The following DNAH9 variants were observed in gnomAD, a reference collection of about 807,000 sequenced individuals.
DNAH9 encodes the protein dynein axonemal heavy chain 9.
Under a neutral mutation model 471.6 loss-of-function variants are expected in DNAH9, and 345 were observed. That is an observed-to-expected ratio of 0.73 (90% CI 0.67 to 0.80). The LOEUF is 0.80. DNAH9 is among the 30% of genes least tolerant of loss of function. The probability of loss-of-function intolerance (pLI) is 0.00; values close to 1 mark genes in which losing one functional copy is unlikely to be tolerated. For missense variants in DNAH9, 5,407 were observed against 5,609.2 expected, an observed-to-expected ratio of 0.96 and a Z score of 1.15; for synonymous variants, 2,093 against 2,123.6, an observed-to-expected ratio of 0.99 and a Z score of 0.40.
chr17:11,738,216 T>C (rs2075378783), intron 28 of DNAH9, among the ~76,000 whole-genome samples: 1 of 152,160 alleles, frequency 6.6e-6, no homozygotes, highest in South Asian at 2.1e-4. Context: ...AATGAGTTAA[T>C]ACATGAGAAG....
chr17:11,862,863 T>C (rs1284126650), intron 50 of DNAH9, among the ~76,000 whole-genome samples: 3 of 151,880 alleles, frequency 2.0e-5, no homozygotes, highest in African/African-American at 7.3e-5. Flanking sequence ...TTTTTGTACA[T>C]TGATTTTGTA....
rs780053051 is a variant in DNAH9 at position 11,610,417 on chromosome 17, A to C, written c.636A>C (p.Ser212=). 13 of 1,613,470 alleles carry C rather than the reference A, an allele frequency of 8.1e-6. No individual in the cohort carries two copies. The Admixed American group carries it at 2.0e-4, about 25-fold the overall frequency. ...SETVLDSIDK[S]VIYAIESAVI... is the part of the protein sequence containing the mutation. ...ACAGCTTGGATTCTATAGATAAGTC[A>C]GTCATCTATGCCATTGAGTCTGCAG... Residue 212 remains serine (S), a synonymous_variant, in exon 3 of 69, where the codon TCA becomes TCC. Coordinates refer to ENST00000262442, the MANE Select transcript of DNAH9 (RefSeq NM_001372.4).
intron 56 of DNAH9, among the ~76,000 whole-genome samples, chr17:11,885,983 C>T (rs1314492796): frequency 6.6e-6 from 1 of 152,218 alleles, no homozygotes; most frequent in Non-Finnish European, 1.5e-5. Context: ...TAACAGAAAT[C>T]TGTCTTCCTG....
intron 14 of DNAH9, among the ~76,000 whole-genome samples, chr17:11,662,068 G>C (rs1043386325): frequency 6.6e-6 from 1 of 151,970 alleles, no homozygotes; most frequent in African/African-American, 2.4e-5. Flanking sequence ...GTTTTTAAAG[G>C]ACAGTTTCAT....
intron 49 of DNAH9, among the ~76,000 whole-genome samples, chr17:11,842,128 G>T (rs943018780): frequency 1.3e-5 from 2 of 152,022 alleles, no homozygotes; most frequent in Non-Finnish European, 2.9e-5. Flanking sequence ...ATAATTTGGG[G>T]AATTCTAGGA....
chr17:11,641,572 C>T (rs976665940), intron 10 of DNAH9, among the ~76,000 whole-genome samples: 2 of 152,126 alleles, frequency 1.3e-5, no homozygotes, highest in African/African-American at 4.8e-5. Context: ...GGAAGAAATG[C>T]CTGATTCTCC....
intron 43 of DNAH9, among the ~76,000 whole-genome samples, chr17:11,802,655 A>AAAG (rs1474589321): frequency 6.6e-6 from 1 of 151,500 alleles, no homozygotes; most frequent in Non-Finnish European, 1.5e-5. Flanking sequence ...AGACAAAAAA[A>AAAG]AAAAAAAAGT....
intron 45 of DNAH9, among the ~76,000 whole-genome samples, chr17:11,816,978 G>A (rs1285676687): frequency 6.6e-6 from 1 of 151,982 alleles, no homozygotes; most frequent in African/African-American, 2.4e-5. Flanking sequence ...AGAATGGCGT[G>A]AACCCAGGAG....
chr17:11,784,884 C>G (rs1968807474), intron 41 of DNAH9, among the ~76,000 whole-genome samples: 1 of 151,654 alleles, frequency 6.6e-6, no homozygotes, highest in African/African-American at 2.4e-5. Context: ...AGAAAGAAAA[C>G]TATTTTGGAT....
intron 49 of DNAH9, among the ~76,000 whole-genome samples, chr17:11,847,954 C>G (rs188006103): frequency 6.6e-6 from 1 of 151,604 alleles, no homozygotes; most frequent in East Asian, 1.9e-4. Context: ...GTGTAGGGCT[C>G]CTTCTCCAGA....
Position 11,757,583 on chromosome 17 carries a change from C to G in DNAH9, c.6886C>G (p.Pro2296Ala). 6.2e-7 allele frequency: 1 copy of G among 1,613,702 alleles called. No individual in the cohort carries two copies. Among genetic ancestry groups the G allele is most frequent in the Admixed American group, 1.7e-5 (1 of 60,024 alleles). The change falls in exon 35 of 69, where the codon CCT (proline) becomes GCT (alanine). Residue 2296 changes from proline to alanine, a missense_variant. Transcript: ENST00000262442. ...CAACCCGGCAGACTTGGGATGGAAC[C>G]CTCCAGTGAGCAGCTGGATTGAGAA... ...YINPADLGWN[P>A]PVSSWIEKRE...
At position 11,704,292 on chromosome 17, in the gene DNAH9, G is replaced by A; in HGVS notation, c.5241G>A (p.Lys1747=). Residue 1747 remains lysine (K), a synonymous_variant, in exon 25 of 69, where the codon AAG becomes AAA. Coordinates refer to ENST00000262442, the MANE Select transcript of DNAH9 (RefSeq NM_001372.4). ...AGGAAGGCTATGAGAGTGCCATGAA[G>A]GACTATTATAAGAAGCAAGTGGCCC... ...RLEEGYESAM[K]DYYKKQVAQL... 1 of 1,614,168 alleles carries A rather than the reference G, an allele frequency of 6.2e-7. No individual in the cohort carries two copies. Among genetic ancestry groups the A allele is most frequent in the Non-Finnish European group, 8.5e-7 (1 of 1,180,026 alleles).
At chr17:11,695,830 A>G (rs1176056827) in intron 22 of DNAH9, among the ~76,000 whole-genome samples, 1 of 152,188 alleles carries the variant, frequency 6.6e-6, no homozygotes. Flanking sequence ...TTCTGCTCTC[A>G]ACATTGTCTG....
chr17:11,847,245 A>G (rs1971258591), intron 49 of DNAH9, among the ~76,000 whole-genome samples: 1 of 152,032 alleles, frequency 6.6e-6, no homozygotes, highest in African/African-American at 2.4e-5. Context: ...TGCTTTTGTC[A>G]CAGTTGCTTT....
At chr17:11,926,659 G>A (rs1268444465) in intron 62 of DNAH9, among the ~76,000 whole-genome samples, 1 of 152,112 alleles carries the variant, frequency 6.6e-6, no homozygotes, top group East Asian at 1.9e-4. Context: ...GTCTATCATT[G>A]ATGAGCAGTT....
chr17:11,611,640 G>A lies in DNAH9; in HGVS notation c.774-10G>A. On this transcript the variant is annotated splice_polypyrimidine_tract_variant and intron_variant, in intron 3 of 68. Transcript: ENST00000262442. ...CTTCCCTGGATTCACCCTTCTTCATGATATTGCAGGTATGAAGATCTGAAA... is the reference window on the plus strand; with the variant it reads ...CTTCCCTGGATTCACCCTTCTTCATAATATTGCAGGTATGAAGATCTGAAA... 1 of 1,613,064 alleles carries A rather than the reference G, an allele frequency of 6.2e-7. No homozygotes were observed. Among genetic ancestry groups the A allele is most frequent in the Non-Finnish European group, 8.5e-7 (1 of 1,179,110 alleles).
chr17:11,951,024 A>ATCAAC (rs1478528477), intron 67 of DNAH9, among the ~76,000 whole-genome samples: 8 of 152,164 alleles, frequency 5.3e-5, no homozygotes, highest in Admixed American at 5.2e-4. Flanking sequence ...TTATTCCCCT[A>ATCAAC]TCAACTCACA....
intron 45 of DNAH9, among the ~76,000 whole-genome samples, chr17:11,814,278 T>A (rs1340955169): frequency 6.6e-6 from 1 of 152,178 alleles, no homozygotes; most frequent in Non-Finnish European, 1.5e-5. Flanking sequence ...AAACACCTCT[T>A]CCTCCAGCTT....
intron 19 of DNAH9, among the ~76,000 whole-genome samples, chr17:11,686,140 G>A (rs184505959): frequency 3.4e-4 from 52 of 152,114 alleles, no homozygotes; most frequent in Non-Finnish European, 6.0e-4. Flanking sequence ...GTATGACACC[G>A]TTCATGGTAT....
Sources: allele counts gnomAD v4.1 joint callset (sites outside exome capture counted in the v4.1 genomes callset), GRCh38; gene constraint gnomAD v4.1.1; transcripts MANE v1.5; gene names NCBI Gene and HGNC (gene_info 2026-07-23, HGNC 2026-07-21).